Variants in LMNB2 observed in about 807,000 individuals in gnomAD.
LMNB2 encodes the protein lamin-B2.
LMNB2 carries 17 observed loss-of-function variants against 69.3 expected under a neutral mutation model. The ratio of observed to expected loss-of-function variants is 0.25; its 90% CI spans 0.17 to 0.37. The LOEUF is 0.37. Among genes scored for constraint, LMNB2 ranks in the 10% least tolerant of loss-of-function variants. The pLI is 1.00. For missense variants in LMNB2, 789 were observed against 883.6 expected (o/e 0.89, Z 1.36); for synonymous variants, 397 against 389.3 (o/e 1.02, Z -0.23).
Position 2,429,755 on chromosome 19 carries a change from G to C in LMNB2, c.*1156C>G, listed in dbSNP as rs1448736536. On this transcript the variant is annotated 3_prime_UTR_variant, in exon 12 of 12. Transcript: ENST00000325327. Reference sequence around the variant, plus strand: ...AGGCCCTGGCGTGAGCTCCTGACCTGTGTACTGACCAATGTAAAAAAATAA... The same window carrying C: ...AGGCCCTGGCGTGAGCTCCTGACCTCTGTACTGACCAATGTAAAAAAATAA... The C allele has an allele frequency of 1.3e-5, 2 of 152,254 alleles. No homozygotes were observed. Among genetic ancestry groups the C allele is most frequent in the Non-Finnish European group, 2.9e-5 (2 of 68,068 alleles). 9.4% of individuals were successfully genotyped at this position (152,254 alleles called of 1,614,324 possible). A position where few individuals can be genotyped will look rare whatever the true frequency, so the allele number is the denominator to read the frequency against.
At chr19:2,441,070 T>C (rs941362059) in intron 2 of LMNB2, among the ~76,000 whole-genome samples, 1 of 152,246 alleles carries the variant, frequency 6.6e-6, no homozygotes, top group Non-Finnish European at 1.5e-5. Flanking sequence ...GGGATCCCAG[T>C]GCCAGAGCGA....
At chr19:2,448,327 G>A (rs946729329) in intron 1 of LMNB2, among the ~76,000 whole-genome samples, 2 of 152,174 alleles carry the variant, frequency 1.3e-5, no homozygotes, top group Non-Finnish European at 2.9e-5. Flanking sequence ...CTCAGGATGG[G>A]GGTCACACAC....
chr19:2,451,600 G>A (rs1416744799), intron 1 of LMNB2, among the ~76,000 whole-genome samples: 3 of 152,214 alleles, frequency 2.0e-5, no homozygotes, highest in Non-Finnish European at 4.4e-5. Flanking sequence ...AAGGGCTGGG[G>A]ACAGGCTGGG....
At position 2,453,672 on chromosome 19, in the gene LMNB2, G is replaced by C. The variant is rs974904841; in HGVS notation, c.264+2998C>G. Among the ~76,000 whole-genome samples the C allele has an allele frequency of 6.6e-6, 1 of 152,172 alleles. No homozygotes were observed. The highest frequency in any genetic ancestry group is 2.4e-5 in the African/African-American group (1 of 41,432). On this transcript the variant is annotated intron_variant, in intron 1 of 11. Coordinates refer to ENST00000325327, the MANE Select transcript of LMNB2 (RefSeq NM_032737.4). The surrounding 1 kb of genome is among the most constrained non-coding windows in gnomAD (Gnocchi z 4.4). ...GCATTTCACCCAGCCTGAGTGAACTGAGTTGTAAAGGATGCTGCTGCGGCC... is the reference window on the plus strand; with the variant it reads ...GCATTTCACCCAGCCTGAGTGAACTCAGTTGTAAAGGATGCTGCTGCGGCC...
chr19:2,432,727 C>T (rs1335999754), intron 8 of LMNB2, among the ~76,000 whole-genome samples: 1 of 151,008 alleles, frequency 6.6e-6, no homozygotes, highest in Non-Finnish European at 1.5e-5. Flanking sequence ...CCTGGTCACC[C>T]CCATCAGCTA....
chr19:2,440,189 T>G (rs1000727407), intron 2 of LMNB2, among the ~76,000 whole-genome samples: 1 of 151,086 alleles, frequency 6.6e-6, no homozygotes, highest in African/African-American at 2.4e-5. Context: ...CAGATGGCTG[T>G]ATCTTTTTTT....
chr19:2,446,311 C>T (rs939848489), intron 1 of LMNB2, among the ~76,000 whole-genome samples: 12 of 151,868 alleles, frequency 7.9e-5, no homozygotes, highest in African/African-American at 1.2e-4. Context: ...CAGGCAGAAG[C>T]GACTGGAACA....
chr19:2,437,711 A>G (rs902265079), intron 4 of LMNB2, among the ~76,000 whole-genome samples: 1 of 150,350 alleles, frequency 6.7e-6, no homozygotes, highest in African/African-American at 2.5e-5. Flanking sequence ...GAGGCAGGAG[A>G]ATTGCTTGAA....
rs1043055908 is a variant in LMNB2, at chr19:2,435,013, G to A, written c.843C>T (p.Thr281=). ...CTGCCGGCCACACCTTGGCCTGGTAGGTCTGCTCCAGCTCCAGCTTGTAGA... is the reference window on the plus strand; with the variant it reads ...CTGCCGGCCACACCTTGGCCTGGTAAGTCTGCTCCAGCTCCAGCTTGTAGA... ...VRLYKLELEQ[T]YQAKLDSAKL... Residue 281 remains threonine, a synonymous_variant, in exon 5 of 12, where the codon ACC becomes ACT. Coordinates refer to ENST00000325327, the MANE Select transcript of LMNB2 (RefSeq NM_032737.4). The A allele has an allele frequency of 3.1e-6, 5 of 1,605,866 alleles. No individual in the cohort carries two copies. Among genetic ancestry groups the A allele is most frequent in the Non-Finnish European group, 3.4e-6 (4 of 1,178,046 alleles).
At chr19:2,446,936 C>T (rs1016916932) in intron 1 of LMNB2, among the ~76,000 whole-genome samples, 3 of 152,124 alleles carry the variant, frequency 2.0e-5, no homozygotes, top group East Asian at 3.9e-4. Flanking sequence ...GTCAGGAGAT[C>T]GAGACCATCC....
intron 1 of LMNB2, among the ~76,000 whole-genome samples, chr19:2,455,139 G>A (rs900413766): frequency 5.3e-5 from 8 of 151,890 alleles, no homozygotes; most frequent in African/African-American, 1.9e-4. Context: ...TACCCACCCT[G>A]GGCCTGGTGA....
At chr19:2,440,458 G>C (rs978596944) in intron 2 of LMNB2, among the ~76,000 whole-genome samples, 1 of 152,136 alleles carries the variant, frequency 6.6e-6, no homozygotes, top group Non-Finnish European at 1.5e-5. Flanking sequence ...CCAAAGTGCT[G>C]GGATTACAGG....
chr19:2,456,949 G>A lies in LMNB2; in HGVS notation c.-16C>T, dbSNP rs1972099143. Reference sequence around the variant, plus strand: ...GCGGGCTCATTCAATCCGCGCCGCCGGCTGCAAGATGGCGCCGCGCCGCGC... The same window carrying A: ...GCGGGCTCATTCAATCCGCGCCGCCAGCTGCAAGATGGCGCCGCGCCGCGC... On this transcript the variant is annotated 5_prime_UTR_variant, in exon 1 of 12. Transcript: ENST00000325327. 4 of 986,666 alleles carry A rather than the reference G, an allele frequency of 4.1e-6. No homozygotes were observed. Among genetic ancestry groups the A allele is most frequent in the Non-Finnish European group, 4.8e-6 (4 of 832,332 alleles). The allele number at this position is 986,666 out of a possible 1,614,324, so 61.1% of individuals were successfully genotyped here.
chr19:2,455,259 C>A (rs993000210), intron 1 of LMNB2, among the ~76,000 whole-genome samples: 1 of 151,996 alleles, frequency 6.6e-6, no homozygotes, highest in Non-Finnish European at 1.5e-5. Context: ...CCCAGAGACT[C>A]CAGGGAGACC....
At chr19:2,431,974 C>T (rs1487023978) in intron 9 of LMNB2, 72 bp from the exon 10 acceptor site, 47 of 1,541,986 alleles carry the variant, frequency 3.0e-5, no homozygotes, top group Admixed American at 7.5e-5. Context: ...CCAGTGGCCC[C>T]TACCACAAAG....
At position 2,434,307 on chromosome 19, in the gene LMNB2, C is replaced by T. The variant is rs757984604; in HGVS notation, c.1190G>A (p.Gly397Asp). Residue 397 changes from glycine to aspartate, a missense_variant, in exon 7 of 12, where the codon GGC (glycine) becomes GAC (aspartate). Gly to Asp is a moderately conservative substitution (Grantham distance 94). Around this residue, in one of 3 missense-constraint regions of LMNB2, gnomAD observed 609 missense variants for 630.9 expected, o/e 0.97. Coordinates refer to ENST00000325327, the MANE Select transcript of LMNB2 (RefSeq NM_032737.4). The stretch of plus-strand genomic sequence containing the variant: ...TGGCCTGCCGCACCTCTCCTCCTCG[C>T]CCTCCAGGAGCTTCCGGTAGGCGTT... ...EINAYRKLLEGEEERLKLSPS... is the reference protein window; with the variant it reads ...EINAYRKLLEDEEERLKLSPS... The T allele has an allele frequency of 5.6e-6, 9 of 1,612,792 alleles. No homozygotes were observed. Among genetic ancestry groups the T allele is most frequent in the Non-Finnish European group, 7.6e-6 (9 of 1,179,978 alleles).
At chr19:2,449,622 C>T (rs1388633722) in intron 1 of LMNB2, among the ~76,000 whole-genome samples, 5 of 148,784 alleles carry the variant, frequency 3.4e-5, no homozygotes, top group Non-Finnish European at 7.4e-5. Context: ...TCTATTAAAA[C>T]ACAAATTAGC....
intron 1 of LMNB2, among the ~76,000 whole-genome samples, chr19:2,452,212 G>A (rs757876235): frequency 6.6e-6 from 1 of 152,168 alleles, no homozygotes; most frequent in Non-Finnish European, 1.5e-5. Flanking sequence ...TGGGAATGTG[G>A]AACCCATGCT....
chr19:2,434,436 T>G lies in LMNB2; in HGVS notation c.1061A>C (p.Asp354Ala). 2.5e-6 allele frequency: 4 copies of G among 1,613,410 alleles called. No individual in the cohort carries two copies. The highest frequency in any genetic ancestry group is 3.4e-6 in the Non-Finnish European group (4 of 1,179,974). Reference protein sequence around the residue: ...GERDKFRKMLDAKEQEMTEMR... With the variant: ...GERDKFRKMLAAKEQEMTEMR... The stretch of plus-strand genomic sequence containing the variant: ...CTCCGTCATCTCCTGCTCCTTGGCG[T>G]CCAGCATCTTCCGGAACTTGTCCCG... Residue 354 changes from aspartate (D) to alanine (A), a missense_variant, in exon 7 of 12, where the codon GAC becomes GCC. Around this residue, in one of 3 missense-constraint regions of LMNB2, gnomAD observed 609 missense variants for 630.9 expected, o/e 0.97. Coordinates refer to ENST00000325327, the MANE Select transcript of LMNB2 (RefSeq NM_032737.4).
Sources: gnomAD v4.1 joint callset for allele counts (sites outside exome capture counted in the v4.1 genomes callset) on GRCh38, gnomAD v4.1.1 for gene constraint, gnomAD v4.1.1 regional missense constraint, Gnocchi (gnomAD v3.1) non-coding constraint, MANE v1.5 for transcripts, NCBI Gene and HGNC (gene_info 2026-07-23, HGNC 2026-07-21) for gene names.